TEX11: variants seen among roughly 807,000 people sequenced by gnomAD.
TEX11 encodes testis-expressed protein 11.
In TEX11, 7 loss-of-function variants were observed where a neutral mutation model predicts 84.4. The ratio of observed to expected loss-of-function variants is 0.08; its 90% CI spans 0.05 to 0.16. TEX11 has a LOEUF of 0.16. TEX11 is among the 10% of genes least tolerant of loss of function. The pLI is 1.00. For missense variants in TEX11, 551 were observed against 660.5 expected (o/e 0.83, Z 1.82); for synonymous variants, 264 against 222.8 (o/e 1.18, Z -1.64).
intron 7 of TEX11, among the ~76,000 whole-genome samples, chrX:70,837,627 C>CAA (rs35067747): frequency 3.4e-4 from 33 of 97,605 alleles, no homozygotes; most frequent in Admixed American, 3.3e-3. Context: ...GGACGGATCG[C>CAA]AAAAAAAAAA....
At chrX:70,750,936 ATATAT>A (rs1569429120) in intron 9 of TEX11, among the ~76,000 whole-genome samples, 33 of 36,538 alleles carry the variant, frequency 9.0e-4, no homozygotes, top group African/African-American at 3.4e-3. Context: ...AAAAAAAAAT[ATATAT>A]ATATATATAT....
chrX:70,668,364 G>A (rs980767065), intron 16 of TEX11, among the ~76,000 whole-genome samples: 2 of 112,153 alleles, frequency 1.8e-5, no homozygotes, highest in Non-Finnish European at 3.8e-5. Flanking sequence ...AGACACTGGC[G>A]AGGTGGGATT....
intron 28 of TEX11, among the ~76,000 whole-genome samples, chrX:70,551,126 A>C (rs2088208008): frequency 9.0e-6 from 1 of 111,353 alleles, no homozygotes; most frequent in African/African-American, 3.3e-5. Flanking sequence ...GGAGGTCAGT[A>C]TGTTGAGTGA....
intron 1 of TEX11, among the ~76,000 whole-genome samples, chrX:70,908,119 C>T (rs752485799): frequency 5.0e-4 from 56 of 111,778 alleles, no homozygotes; most frequent in African/African-American, 1.7e-3. Flanking sequence ...CGCTACCAAC[C>T]GCACATTCAA....
chrX:70,552,111 C>G lies in TEX11; in HGVS notation c.2520+15G>C, dbSNP rs369178555. 2 of 1,202,160 alleles carry G rather than the reference C, an allele frequency of 1.7e-6. No homozygotes were observed. The highest frequency in any genetic ancestry group is 2.2e-6 in the Non-Finnish European group (2 of 892,195). ...TTAAAATTAACTGAAAGTTTAATAT[C>G]ACTATTTGACTTACAGTGCGGCTAA... On this transcript the variant is annotated intron_variant, in intron 28 of 29. Transcript: ENST00000374333.
At chrX:70,587,265 G>A (rs374181795) in intron 25 of TEX11, among the ~76,000 whole-genome samples, 4 of 112,290 alleles carry the variant, frequency 3.6e-5, no homozygotes, top group African/African-American at 1.3e-4. Context: ...AAAGACAATA[G>A]GGAAAATGTC....
chrX:70,839,710 C>T (rs2091429978), intron 7 of TEX11, among the ~76,000 whole-genome samples: 1 of 110,849 alleles, frequency 9.0e-6, no homozygotes, highest in Non-Finnish European at 1.9e-5. Flanking sequence ...GGAGGAAATT[C>T]GAACCAATAG....
At chrX:70,724,055 T>C in intron 12 of TEX11, 7 of 747,896 alleles carry the variant, frequency 9.4e-6, no homozygotes, top group Non-Finnish European at 1.1e-5. Flanking sequence ...AATTTCATTT[T>C]AAACTCTGCT....
intron 20 of TEX11, among the ~76,000 whole-genome samples, chrX:70,612,585 A>AT (rs1431440274): frequency 5.5e-5 from 6 of 109,843 alleles, no homozygotes; most frequent in Non-Finnish European, 9.5e-5. Flanking sequence ...GAAAAAAAAA[A>AT]TCTCTGCCCT....
intron 25 of TEX11, among the ~76,000 whole-genome samples, chrX:70,590,133 A>G (rs961489419): frequency 9.8e-5 from 11 of 112,248 alleles, no homozygotes; most frequent in African/African-American, 3.6e-4. Context: ...CTCAGGATAC[A>G]CAGTATATTT....
intron 16 of TEX11, among the ~76,000 whole-genome samples, chrX:70,656,611 G>A (rs1253235752): frequency 9.0e-6 from 1 of 111,108 alleles, no homozygotes; most frequent in Non-Finnish European, 1.9e-5. Flanking sequence ...AACACAAGTG[G>A]GTGGAGAAAA....
In TEX11 at chrX:70,568,752, T is replaced by G. The variant is rs746865091; in HGVS notation, c.2141-13952A>C. Among the ~76,000 whole-genome samples the G allele has an allele frequency of 4.9e-4, 55 of 111,786 alleles. No individual in the cohort carries two copies. In the South Asian group the frequency reaches 8.7e-3, roughly 18 times the overall value. On this transcript the variant is annotated intron_variant, in intron 25 of 29. Transcript: ENST00000374333. ...ATTGGCCCCCACTCTCTTCTGGCTT[T>G]TAGAGTTTCTGCCGAGAGATCAGCT... is the stretch of plus-strand genomic sequence containing the variant.
downstream of TEX11, among the ~76,000 whole-genome samples, chrX:70,526,001 C>T (rs748268692): frequency 3.6e-5 from 4 of 111,571 alleles, no homozygotes; most frequent in Admixed American, 3.8e-4. Flanking sequence ...CAGCTAGAGA[C>T]TCAGCTTGCT....
intron 9 of TEX11, among the ~76,000 whole-genome samples, chrX:70,792,819 C>T (rs1281268023): frequency 1.8e-5 from 2 of 110,700 alleles, no homozygotes; most frequent in African/African-American, 3.3e-5. Context: ...GAGACTCCTC[C>T]GTAATTCATT....
intron 11 of TEX11, among the ~76,000 whole-genome samples, chrX:70,730,936 A>C (rs1380362807): frequency 2.7e-5 from 3 of 112,258 alleles, no homozygotes; most frequent in Non-Finnish European, 5.6e-5. Flanking sequence ...AAAACAACAG[A>C]AATTATAACA....
chrX:70,898,754 C>T (rs771112179), intron 2 of TEX11, among the ~76,000 whole-genome samples: 187 of 110,250 alleles, frequency 1.7e-3, no homozygotes, highest in Middle Eastern at 4.7e-3. Flanking sequence ...TACAGGTGCC[C>T]GCCAGCACAC....
At chrX:70,575,427 C>G (rs1331131603) in intron 25 of TEX11, among the ~76,000 whole-genome samples, 1 of 111,928 alleles carries the variant, frequency 8.9e-6, no homozygotes, top group Non-Finnish European at 1.9e-5. Flanking sequence ...GGGCTCCTCC[C>G]TCATGAACAG....
intron 9 of TEX11, among the ~76,000 whole-genome samples, chrX:70,772,315 C>T (rs1012662322): frequency 8.9e-6 from 1 of 112,000 alleles, no homozygotes; most frequent in Non-Finnish European, 1.9e-5. Context: ...TGGCTCATAC[C>T]TATAATCCCA....
intron 9 of TEX11, among the ~76,000 whole-genome samples, chrX:70,794,510 C>T (rs954015396): frequency 9.1e-6 from 1 of 109,832 alleles, no homozygotes; most frequent in Non-Finnish European, 1.9e-5. Context: ...GAGTGCCTAC[C>T]CTGCCCCTCC....
Sources: gnomAD v4.1 joint callset for allele counts (sites outside exome capture counted in the v4.1 genomes callset) on GRCh38, gnomAD v4.1.1 for gene constraint, MANE v1.5 for transcripts, NCBI Gene and HGNC (gene_info 2026-07-23, HGNC 2026-07-21) for gene names.